The following CACNA2D2 variants were observed in gnomAD, a reference collection of about 807,000 sequenced individuals.
CACNA2D2 encodes the protein voltage-dependent calcium channel subunit alpha-2/delta-2.
In CACNA2D2, 48 loss-of-function variants were observed where a neutral mutation model predicts 166.4. The ratio of observed to expected loss-of-function variants is 0.29; its 90% CI spans 0.23 to 0.37. CACNA2D2 has a LOEUF of 0.37. Ranked by LOEUF, CACNA2D2 falls within the 10% of genes least tolerant of loss-of-function variation. CACNA2D2 has a pLI of 1.00. For synonymous variants in CACNA2D2, 561 were observed against 573.7 expected (o/e 0.98, Z 0.32); for missense variants, 1,122 against 1,433.0 (o/e 0.78, Z 3.50).
At chr3:50,417,460 G>A (rs1238218188) in intron 3 of CACNA2D2, among the ~76,000 whole-genome samples, 1 of 152,212 alleles carries the variant, frequency 6.6e-6, no homozygotes, top group Non-Finnish European at 1.5e-5. Context: ...GCTGCTCAGG[G>A]TGGCCTGGGG....
intron 3 of CACNA2D2, among the ~76,000 whole-genome samples, chr3:50,422,338 A>G (rs138482599): frequency 7.2e-4 from 109 of 150,502 alleles, no homozygotes; most frequent in African/African-American, 2.6e-3. Flanking sequence ...CTTCCACTCC[A>G]CTCCCCCAGG....
At chr3:50,419,383 G>A (rs1193016280) in intron 3 of CACNA2D2, among the ~76,000 whole-genome samples, 1 of 152,112 alleles carries the variant, frequency 6.6e-6, no homozygotes, top group African/African-American at 2.4e-5. Context: ...CATACCTGGG[G>A]TCCTGACCAC....
intron 6 of CACNA2D2, 52 bp from the exon 7 acceptor site, chr3:50,381,178 G>A (rs751708830): frequency 6.2e-6 from 10 of 1,601,088 alleles, no homozygotes; most frequent in East Asian, 4.5e-5. Context: ...GTGTCCTGTC[G>A]AACCCACCAC....
chr3:50,409,206 C>T (rs561411473), intron 3 of CACNA2D2, among the ~76,000 whole-genome samples: 4 of 152,322 alleles, frequency 2.6e-5, no homozygotes, highest in South Asian at 4.1e-4. Flanking sequence ...AACAGAGGAA[C>T]GCTGAAGTGC....
intron 3 of CACNA2D2, among the ~76,000 whole-genome samples, chr3:50,404,809 C>T (rs1049306946): frequency 2.6e-4 from 39 of 152,318 alleles, no homozygotes; most frequent in African/African-American, 8.7e-4. Flanking sequence ...AACTTCTTCC[C>T]ACTGCAATTC....
Position 50,414,139 on chromosome 3 carries a change from C to G in CACNA2D2, c.406-19971G>C, listed in dbSNP as rs1707161358. 2.6e-5 allele frequency among the ~76,000 whole-genome samples: 4 copies of G among 152,162 alleles called. No homozygotes were observed. In the South Asian group the frequency reaches 8.3e-4, roughly 32 times the overall value. On this transcript the variant is annotated intron_variant, in intron 3 of 37. Transcript: ENST00000424201. ...GCCCATGCAGCACAGCTACAGACAT[C>G]TCATTCACAGATGCATGCAGTCACG...
intron 4 of CACNA2D2, among the ~76,000 whole-genome samples, chr3:50,392,107 G>A (rs1461191244): frequency 6.6e-6 from 1 of 152,156 alleles, no homozygotes; most frequent in Non-Finnish European, 1.5e-5. Flanking sequence ...ATGGCTCCTT[G>A]TCTGTCATCT....
intron 1 of CACNA2D2, among the ~76,000 whole-genome samples, chr3:50,497,822 A>C (rs1053795974): frequency 6.6e-6 from 1 of 152,164 alleles, no homozygotes; most frequent in South Asian, 2.1e-4. Flanking sequence ...AGGACAAGAG[A>C]AGAAGGGAAG....
rs11539636 is a variant in CACNA2D2 at position 50,362,963 on chromosome 3, G to A, written c.*1703C>T. 3.0e-4 allele frequency: 118 copies of A among 397,414 alleles called. No homozygotes were observed. Among genetic ancestry groups the A allele is most frequent in the Non-Finnish European group, 8.9e-5 (20 of 225,740 alleles). The allele number at this position is 397,414 out of a possible 1,614,324, so 24.6% of individuals were successfully genotyped here. Reference sequence around the variant, plus strand: ...TGTACAAAATAGAACAACAAAAAAAGGGCAGAGAAAAGGAAATGGCCCCCC... The same window carrying A: ...TGTACAAAATAGAACAACAAAAAAAAGGCAGAGAAAAGGAAATGGCCCCCC... On this transcript the variant is annotated 3_prime_UTR_variant, in exon 38 of 38. Transcript: ENST00000424201.
chr3:50,380,898 A>G lies in CACNA2D2; in HGVS notation c.785-93T>C. On this transcript the variant is annotated intron_variant, in intron 7 of 37. Coordinates refer to ENST00000424201, the MANE Select transcript of CACNA2D2 (RefSeq NM_006030.4). This position sits in a 1 kb window ranked among gnomAD's most constrained non-coding sequence, Gnocchi z 4.9. ...AGGCGACTGGGCTGCCACAGACTAC[A>G]GAGAAGCCACCCCGCCCCATGCCCC... 6.4e-7 allele frequency: 1 copy of G among 1,558,194 alleles called. No individual in the cohort carries two copies. Among genetic ancestry groups the G allele is most frequent in the Non-Finnish European group, 8.7e-7 (1 of 1,147,046 alleles).
chr3:50,487,275 G>C (rs1042372170), intron 1 of CACNA2D2, among the ~76,000 whole-genome samples: 1 of 152,212 alleles, frequency 6.6e-6, no homozygotes, highest in East Asian at 1.9e-4. Context: ...TTTGAGAAGG[G>C]GGCTACCTCA....
At chr3:50,446,841 G>T (rs947825838) in intron 2 of CACNA2D2, among the ~76,000 whole-genome samples, 1 of 152,222 alleles carries the variant, frequency 6.6e-6, no homozygotes, top group African/African-American at 2.4e-5. Flanking sequence ...AGCTGGCCCA[G>T]AGGGTAGGTA....
At chr3:50,500,203 T>C (rs2107191587) in intron 1 of CACNA2D2, among the ~76,000 whole-genome samples, 1 of 152,254 alleles carries the variant, frequency 6.6e-6, no homozygotes, top group South Asian at 2.1e-4. Context: ...ACTCTGGTTG[T>C]CATTAATCTG....
intron 3 of CACNA2D2, among the ~76,000 whole-genome samples, chr3:50,426,967 G>A (rs1707833801): frequency 6.6e-6 from 1 of 152,210 alleles, no homozygotes; most frequent in Non-Finnish European, 1.5e-5. Context: ...CTCCCAGCTG[G>A]AGGCCTTCAA....
intron 6 of CACNA2D2, 31 bp downstream of exon 6, chr3:50,384,165 A>C: frequency 6.2e-7 from 1 of 1,607,924 alleles, no homozygotes; most frequent in Non-Finnish European, 8.5e-7. Context: ...AGCAGGTGGG[A>C]TGGGCTGTCC....
chr3:50,378,445 C>A, intron 13 of CACNA2D2, 112 bp from the exon 14 acceptor site: 1 of 1,099,494 alleles, frequency 9.1e-7, no homozygotes, highest in Non-Finnish European at 1.4e-6. Context: ...TTGGGCTCCT[C>A]TCTTTTTGGG....
At chr3:50,416,500 T>C (rs1483333212) in intron 3 of CACNA2D2, among the ~76,000 whole-genome samples, 4 of 152,294 alleles carry the variant, frequency 2.6e-5, no homozygotes, top group Middle Eastern at 3.4e-3. Context: ...TGACCCCTGA[T>C]TTGGCACTCC....
chr3:50,389,038 A>C (rs1489467903), intron 4 of CACNA2D2, among the ~76,000 whole-genome samples: 1 of 152,182 alleles, frequency 6.6e-6, no homozygotes, highest in Non-Finnish European at 1.5e-5. Flanking sequence ...ACGTTTCGAG[A>C]GCAGGGAGAA....
rs944076930 is a variant in CACNA2D2, at chr3:50,378,402, C to T, written c.1340-69G>A. On this transcript the variant is annotated intron_variant, in intron 13 of 37. Coordinates refer to ENST00000424201, the MANE Select transcript of CACNA2D2 (RefSeq NM_006030.4). The stretch of plus-strand genomic sequence containing the variant: ...AGGATCCATGTGCAGAGGGCCCTGC[C>T]CCTGGGGTGTGTCTGCAGCCCTGCC... 50 of 1,463,390 alleles carry T rather than the reference C, an allele frequency of 3.4e-5. No homozygotes were observed. In the South Asian group the frequency reaches 6.1e-4, roughly 18 times the overall value. 90.7% of individuals were successfully genotyped at this position (1,463,390 alleles called of 1,614,324 possible).
Sources: gnomAD v4.1 joint callset for allele counts (sites outside exome capture counted in the v4.1 genomes callset) on GRCh38, gnomAD v4.1.1 for gene constraint, Gnocchi (gnomAD v3.1) non-coding constraint, MANE v1.5 for transcripts, NCBI Gene and HGNC (gene_info 2026-07-23, HGNC 2026-07-21) for gene names.